Variants in RTEL1 observed in about 807,000 individuals in gnomAD.
RTEL1 encodes regulator of telomere length.
Under a neutral mutation model 162.2 loss-of-function variants are expected in RTEL1, and 86 were observed. The observed-to-expected ratio is 0.53, with a 90% confidence interval of 0.45 to 0.63. RTEL1 has a LOEUF of 0.63. RTEL1 is among the 30% of genes least tolerant of loss of function. The pLI, the probability that RTEL1 is intolerant of heterozygous loss-of-function variation, is 0.00. For missense variants in RTEL1, 1,941 were observed against 1,750.2 expected (o/e 1.11, Z -1.95); for synonymous variants, 958 against 717.9 (o/e 1.33, Z -5.35).
chr20:63,685,850 C>T lies in RTEL1; in HGVS notation c.1326C>T (p.Ser442=). Residue 442 remains serine, a synonymous_variant, in exon 16 of 35, where the codon AGC becomes AGT. Coordinates refer to ENST00000360203, the MANE Select transcript of RTEL1 (RefSeq NM_001283009.2). ...RRTAQRSDAW[S]TTAARKRGKV... ...CGGCTCAGCGGTCTGATGCCTGGAG[C>T]ACCACTGCAGCCAGAAAGCGAGGTA... The T allele has an allele frequency of 1.9e-6, 3 of 1,612,644 alleles. No individual in the cohort carries two copies. Among genetic ancestry groups the T allele is most frequent in the South Asian group, 1.1e-5 (1 of 91,030 alleles).
At chr20:63,675,537 A>G (rs2090332070) in intron 10 of RTEL1, among the ~76,000 whole-genome samples, 1 of 151,764 alleles carries the variant, frequency 6.6e-6, no homozygotes, top group South Asian at 2.1e-4. Context: ...TTTAAGTGAC[A>G]GGGTCTCACT....
intron 6 of RTEL1, among the ~76,000 whole-genome samples, chr20:63,663,325 C>T (rs1431435916): frequency 2.6e-5 from 4 of 152,224 alleles, no homozygotes; most frequent in East Asian, 1.9e-4. Flanking sequence ...TGGCCTCCCG[C>T]GACCCTGCCC....
chr20:63,689,913 C>T (rs779561993), intron 24 of RTEL1, 48 bp downstream of exon 24: 6 of 1,552,932 alleles, frequency 3.9e-6, no homozygotes, highest in South Asian at 1.1e-5. Context: ...CACGCCCACA[C>T]CCCACTGGGC....
chr20:63,674,085 C>G lies in RTEL1; in HGVS notation c.911C>G (p.Pro304Arg). The change falls in exon 10 of 35, where the codon CCC becomes CGC. Residue 304 changes from proline (P) to arginine (R), a missense_variant. Physicochemically the swap from Pro to Arg is moderately radical, Grantham distance 103 (BLOSUM62 -2). Transcript: ENST00000360203. ...CACCCGGAGTTCAGCGCGGACTCCC[C>G]CAGCCCAGGTGCGTTCATAGCCAGA... ...EPHPEFSADSPSPGLNMELED... is the reference protein window; with the variant it reads ...EPHPEFSADSRSPGLNMELED... 1 of 1,610,412 alleles carries G rather than the reference C, an allele frequency of 6.2e-7. No individual in the cohort carries two copies. Among genetic ancestry groups the G allele is most frequent in the South Asian group, 1.1e-5 (1 of 90,724 alleles).
chr20:63,682,203 A>C, intron 14 of RTEL1: 2 of 985,414 alleles, frequency 2.0e-6, no homozygotes, highest in South Asian at 9.4e-5. Flanking sequence ...ACTCGAACTG[A>C]ATCCTGGAAT....
Position 63,695,127 on chromosome 20 carries a change from G to C in RTEL1, c.3405G>C (p.Leu1135=). 1.2e-6 allele frequency: 2 copies of C among 1,612,362 alleles called. No homozygotes were observed. The highest frequency in any genetic ancestry group is 1.7e-6 in the Non-Finnish European group (2 of 1,179,850). The change falls in exon 33 of 35, where the codon CTG becomes CTC. Residue 1135 remains leucine (L), a synonymous_variant. Transcript: ENST00000360203. ...KQRFSQTCTD[L]TGRPYPGMEP... is the part of the protein sequence containing the mutation. Reference sequence around the variant, plus strand: ...GCTTCTCACAGACGTGCACAGACCTGACCGGCCGGCCCTACCCGGGCATGG... The same window carrying C: ...GCTTCTCACAGACGTGCACAGACCTCACCGGCCGGCCCTACCCGGGCATGG...
chr20:63,692,225 T>C (rs2090764710), intron 28 of RTEL1: 1 of 227,030 alleles, frequency 4.4e-6, no homozygotes, highest in Admixed American at 5.3e-5. Context: ...AAACCCCAAG[T>C]GTGGCGGCCT....
rs2090042547 is a variant in RTEL1 at position 63,662,597 on chromosome 20, G to C, written c.447G>C (p.Glu149Asp). The C allele has an allele frequency of 1.2e-6, 2 of 1,613,958 alleles. No individual in the cohort carries two copies. The highest frequency in any genetic ancestry group is 2.7e-5 in the African/African-American group (2 of 74,904). Residue 149 changes from glutamate to aspartate, a missense_variant, in exon 5 of 35, where the codon GAG becomes GAC. By Grantham distance (45) the Glu-to-Asp change is conservative. Coordinates refer to ENST00000360203, the MANE Select transcript of RTEL1 (RefSeq NM_001283009.2). Reference protein sequence around the residue: ...GSREQLCIHPEVKKQESNHLQ... With the variant: ...GSREQLCIHPDVKKQESNHLQ... ...GGGAGCAGCTGTGCATCCATCCTGA[G>C]GTGAAGAAACAAGAGAGTAACCATC... is the stretch of plus-strand genomic sequence containing the variant.
intron 31 of RTEL1, 113 bp from the exon 32 acceptor site, chr20:63,694,628 C>T (rs562165499): frequency 1.0e-4 from 127 of 1,221,074 alleles, no homozygotes; most frequent in East Asian, 4.9e-4. Context: ...TTCTGCACCC[C>T]GCAGTTGTCC....
In RTEL1 at chr20:63,693,259, G is replaced by A. The variant is rs751124641; in HGVS notation, c.2968G>A (p.Ala990Thr). The change falls in exon 30 of 35, where the codon GCA becomes ACA. Residue 990 changes from alanine to threonine, a missense_variant. Coordinates refer to ENST00000360203, the MANE Select transcript of RTEL1 (RefSeq NM_001283009.2). ...PEHSIPRRQRAQPVLDPTGRT... is the reference protein window; with the variant it reads ...PEHSIPRRQRTQPVLDPTGRT... ...GCACAGCATTCCCCGAAGGCAGCGG[G>A]CACAGCCGGTCCTGGACCCCACTGG... 10 of 1,611,900 alleles carry A rather than the reference G, an allele frequency of 6.2e-6. No individual in the cohort carries two copies. The East Asian group carries it at 6.7e-5, about 11-fold the overall frequency.
rs993518393 is a variant in RTEL1, at chr20:63,693,123, A to T, written c.2852-20A>T. 1 of 1,612,138 alleles carries T rather than the reference A, an allele frequency of 6.2e-7. No homozygotes were observed. Among genetic ancestry groups the T allele is most frequent in the African/African-American group, 1.3e-5 (1 of 74,882 alleles). The stretch of plus-strand genomic sequence containing the variant: ...TAGAGAAAAAGGGGCAGATGGGGAC[A>T]GACGCCCCTTCCTCTACAGGCTTCT... On this transcript the variant is annotated intron_variant, in intron 29 of 34. Coordinates refer to ENST00000360203, the MANE Select transcript of RTEL1 (RefSeq NM_001283009.2).
intron 10 of RTEL1, among the ~76,000 whole-genome samples, chr20:63,675,693 G>A: frequency 6.6e-6 from 1 of 152,150 alleles, no homozygotes; most frequent in East Asian, 1.9e-4. Context: ...AGATTGCCAC[G>A]CAGGGAGTTG....
In RTEL1 at chr20:63,674,023, G is replaced by A. The variant is rs1278146543; in HGVS notation, c.849G>A (p.Leu283=). 3 of 1,614,014 alleles carry A rather than the reference G, an allele frequency of 1.9e-6. No homozygotes were observed. Among genetic ancestry groups the A allele is most frequent in the South Asian group, 1.1e-5 (1 of 91,084 alleles). The change falls in exon 10 of 35, where the codon CTG becomes CTA. Residue 283 remains leucine (L), a synonymous_variant. Coordinates refer to ENST00000360203, the MANE Select transcript of RTEL1 (RefSeq NM_001283009.2). ...GACTGGACGTCATAGACCAGGTGCT[G>A]GAGGAGCAGACCAAGGCAGCGCAGC... ...ASGLDVIDQV[L]EEQTKAAQQG...
chr20:63,662,656 A>G (rs1317108102), intron 5 of RTEL1, 29 bp downstream of exon 5: 2 of 1,612,800 alleles, frequency 1.2e-6, no homozygotes, highest in East Asian at 2.2e-5. Flanking sequence ...GCTCCGGCTC[A>G]GTGTCCGACA....
intron 9 of RTEL1, 56 bp downstream of exon 9, chr20:63,672,677 G>T: frequency 6.9e-7 from 1 of 1,445,754 alleles, no homozygotes; most frequent in South Asian, 1.2e-5. Context: ...TTTTTGTCAA[G>T]AGCCACGCAA....
chr20:63,681,201 C>T, intron 14 of RTEL1: 4 of 985,426 alleles, frequency 4.1e-6, no homozygotes, highest in Non-Finnish European at 4.8e-6. Flanking sequence ...TTCTCATTGG[C>T]CCCGTCCTGT....
At chr20:63,670,877 T>A (rs2090228061) in intron 8 of RTEL1, among the ~76,000 whole-genome samples, 1 of 151,722 alleles carries the variant, frequency 6.6e-6, no homozygotes, top group Non-Finnish European at 1.5e-5. Context: ...GAGTTTTGTT[T>A]GCAGTTGCCA....
intron 10 of RTEL1, among the ~76,000 whole-genome samples, chr20:63,674,809 G>C (rs959557867): frequency 6.6e-6 from 1 of 152,046 alleles, no homozygotes; most frequent in African/African-American, 2.4e-5. Context: ...TTCCTTCCCA[G>C]TGTTTGTCCA....
intron 14 of RTEL1, 28 bp from the exon 15 acceptor site, chr20:63,685,495 A>G: frequency 1.9e-6 from 3 of 1,608,326 alleles, no homozygotes; most frequent in Non-Finnish European, 2.5e-6. Context: ...CAGGCTCCTG[A>G]CGGGGCTGCA....
Sources: gnomAD v4.1 joint callset for allele counts (sites outside exome capture counted in the v4.1 genomes callset) on GRCh38, gnomAD v4.1.1 for gene constraint, MANE v1.5 for transcripts, NCBI Gene and HGNC (gene_info 2026-07-23, HGNC 2026-07-21) for gene names.